The following PTPRT variants were observed in gnomAD, a reference collection of about 807,000 sequenced individuals.
PTPRT encodes the protein receptor-type tyrosine-protein phosphatase T.
Under a neutral mutation model 176.8 loss-of-function variants are expected in PTPRT, and 56 were observed. That is an observed-to-expected ratio of 0.32 (90% CI 0.26 to 0.40). The LOEUF is 0.40. Ranked by LOEUF, PTPRT falls within the 10% of genes least tolerant of loss-of-function variation. PTPRT has a pLI of 1.00. For missense variants in PTPRT, 1,540 were observed against 1,908.2 expected, an observed-to-expected ratio of 0.81 and a Z score of 3.60; for synonymous variants, 783 against 739.0, an observed-to-expected ratio of 1.06 and a Z score of -0.96.
chr20:42,438,653 A>G (rs1378633612), intron 9 of PTPRT, among the ~76,000 whole-genome samples: 2 of 152,186 alleles, frequency 1.3e-5, no homozygotes, highest in African/African-American at 4.8e-5. Context: ...ACACACCCCA[A>G]GACAAGCATA....
intron 1 of PTPRT, among the ~76,000 whole-genome samples, chr20:42,886,299 G>A (rs2079102297): frequency 6.6e-6 from 1 of 152,172 alleles, no homozygotes; most frequent in Non-Finnish European, 1.5e-5. Context: ...TGAGGCAGCG[G>A]AAGGAGCACT....
At chr20:42,536,700 T>A (rs866745563) in intron 7 of PTPRT, among the ~76,000 whole-genome samples, 3 of 152,206 alleles carry the variant, frequency 2.0e-5, no homozygotes, top group Admixed American at 6.5e-5. Context: ...TCAACTTCTG[T>A]ATTAATTAGG....
At chr20:42,574,454 C>G (rs1335029828) in intron 7 of PTPRT, among the ~76,000 whole-genome samples, 1 of 152,170 alleles carries the variant, frequency 6.6e-6, no homozygotes, top group Non-Finnish European at 1.5e-5. Context: ...TGGATTTACA[C>G]ACCCACCAAA....
chr20:42,805,516 G>T (rs1050267402), intron 2 of PTPRT, among the ~76,000 whole-genome samples: 1 of 152,152 alleles, frequency 6.6e-6, no homozygotes, highest in African/African-American at 2.4e-5. Context: ...TAGGCCCCGG[G>T]AGTACAGCTG....
intron 6 of PTPRT, among the ~76,000 whole-genome samples, chr20:42,725,686 C>T (rs375399495): frequency 3.3e-5 from 5 of 151,976 alleles, no homozygotes; most frequent in African/African-American, 7.2e-5. Context: ...GGCGAGGTTG[C>T]GCAGAAATAG....
intron 9 of PTPRT, among the ~76,000 whole-genome samples, chr20:42,418,848 A>G (rs1600991551): frequency 6.6e-6 from 1 of 152,110 alleles, no homozygotes; most frequent in East Asian, 1.9e-4. Context: ...GCGGAGGAGG[A>G]AGCTATTAAA....
intron 1 of PTPRT, among the ~76,000 whole-genome samples, chr20:43,077,068 C>A (rs919323134): frequency 6.6e-5 from 10 of 152,134 alleles, no homozygotes; most frequent in Non-Finnish European, 1.5e-4. Context: ...GCTAAAAGGA[C>A]CAATGTGATC....
At chr20:42,517,867 A>T (rs1000454274) in intron 7 of PTPRT, among the ~76,000 whole-genome samples, 5 of 151,960 alleles carry the variant, frequency 3.3e-5, no homozygotes, top group African/African-American at 1.2e-4. Flanking sequence ...TGAGTTGAGG[A>T]TTCATTCCTA....
chr20:42,753,184 TC>T (rs1424774701), intron 6 of PTPRT, among the ~76,000 whole-genome samples: 2 of 151,980 alleles, frequency 1.3e-5, no homozygotes, highest in Non-Finnish European at 2.9e-5. Context: ...CCACCAGCCC[TC>T]CAGGTGTGAC....
chr20:42,987,341 C>G (rs951696851), intron 1 of PTPRT, among the ~76,000 whole-genome samples: 2 of 152,124 alleles, frequency 1.3e-5, no homozygotes, highest in Non-Finnish European at 2.9e-5. Flanking sequence ...CTCAGTCGCA[C>G]GAGCCACATT....
intron 6 of PTPRT, among the ~76,000 whole-genome samples, chr20:42,712,254 G>T (rs1253379618): frequency 1.6e-4 from 24 of 152,158 alleles, no homozygotes; most frequent in Non-Finnish European, 1.3e-4. Flanking sequence ...GGATCTAATT[G>T]TGGGTTCTGC....
At chr20:42,692,310 A>G (rs1259223162) in intron 6 of PTPRT, among the ~76,000 whole-genome samples, 2 of 152,214 alleles carry the variant, frequency 1.3e-5, no homozygotes, top group Admixed American at 6.5e-5. Context: ...TTGTATTACC[A>G]AGCCAATCCT....
At chr20:43,036,896 G>A (rs1211211108) in intron 1 of PTPRT, among the ~76,000 whole-genome samples, 1 of 152,140 alleles carries the variant, frequency 6.6e-6, no homozygotes, top group Non-Finnish European at 1.5e-5. Context: ...ATACAGAAAT[G>A]CAGGAAAATG....
chr20:42,723,244 T>C (rs756304553), intron 6 of PTPRT, among the ~76,000 whole-genome samples: 1 of 152,182 alleles, frequency 6.6e-6, no homozygotes, highest in Non-Finnish European at 1.5e-5. Context: ...GAAGGGATTA[T>C]TGTCTTACCA....
At chr20:42,248,658 G>A (rs1170158881) in intron 14 of PTPRT, 29 bp downstream of exon 14, 1 of 1,611,690 alleles carries the variant, frequency 6.2e-7, no homozygotes, top group East Asian at 2.2e-5. Flanking sequence ...CGGGTCAGCA[G>A]AGTCTTGCAG....
chr20:42,115,056 T>A (rs1987199186), intron 22 of PTPRT, 143 bp downstream of exon 22: 2 of 643,544 alleles, frequency 3.1e-6, no homozygotes, highest in Admixed American at 2.2e-5. Flanking sequence ...GCAGGACCCA[T>A]GTCTGCCCTG....
At chr20:42,266,327 A>C (rs6072672) in intron 13 of PTPRT, among the ~76,000 whole-genome samples, 101,114 of 151,998 alleles carry the variant, frequency 0.67, 34,784 homozygotes, top group African/African-American at 0.84. Flanking sequence ...CAGATCTGCC[A>C]CTGGGGATGA....
At position 42,985,598 on chromosome 20, in the gene PTPRT, G is replaced by A. The variant is rs554853751; in HGVS notation, c.89-99666C>T. ...TTGTAGAGCTTACTCTCTTGTGGGG[G>A]TAGGGGTGGGAAACAGATCAAAAAC... On this transcript the variant is annotated intron_variant, in intron 1 of 30. Transcript: ENST00000373187. Among the ~76,000 whole-genome samples, 10 of 152,276 alleles carry A rather than the reference G, an allele frequency of 6.6e-5. No individual in the cohort carries two copies. In the South Asian group the frequency reaches 2.1e-3, roughly 32 times the overall value.
intron 17 of PTPRT, among the ~76,000 whole-genome samples, chr20:42,149,675 T>C (rs1989036694): frequency 6.6e-6 from 1 of 152,204 alleles, no homozygotes; most frequent in African/African-American, 2.4e-5. Flanking sequence ...CTGCCTGCCT[T>C]GGCCTCCCAA....
Sources: allele counts gnomAD v4.1 joint callset (sites outside exome capture counted in the v4.1 genomes callset), GRCh38; gene constraint gnomAD v4.1.1; transcripts MANE v1.5; gene names NCBI Gene and HGNC (gene_info 2026-07-23, HGNC 2026-07-21).